OPCML: variants seen among roughly 807,000 people sequenced by gnomAD.
The protein encoded by OPCML is opioid-binding protein/cell adhesion molecule.
A neutral mutation model predicts 37.8 loss-of-function variants in OPCML; 13 were observed. The ratio of observed to expected loss-of-function variants is 0.34; its 90% CI spans 0.22 to 0.55. The LOEUF (loss-of-function observed/expected upper bound fraction) is 0.55, where lower values mean the gene tolerates loss of function less well. Ranked by LOEUF, OPCML falls within the 20% of genes least tolerant of loss-of-function variation. The pLI is 0.91. For missense variants in OPCML, 341 were observed against 435.6 expected, an observed-to-expected ratio of 0.78 and a Z score of 1.93; for synonymous variants, 176 against 168.8, an observed-to-expected ratio of 1.04 and a Z score of -0.33.
Position 133,177,439 on chromosome 11 carries a change from A to T in OPCML, c.62-234429T>A, listed in dbSNP as rs1275634003. The stretch of plus-strand genomic sequence containing the variant: ...ATTTTGGACAGGTTACTTGAACTTT[A>T]TTAAGCTGAGCTAAATCCACTGAAA... On this transcript the variant is annotated intron_variant, in intron 1 of 7. Transcript: ENST00000524381. The surrounding 1 kb of genome is among the most constrained non-coding windows in gnomAD (Gnocchi z 5.0). Among the ~76,000 whole-genome samples, 1 of 152,240 alleles carries T rather than the reference A, an allele frequency of 6.6e-6. No individual in the cohort carries two copies. Among genetic ancestry groups the T allele is most frequent in the Non-Finnish European group, 1.5e-5 (1 of 68,040 alleles).
At chr11:132,455,459 G>C (rs1016263175) in intron 4 of OPCML, among the ~76,000 whole-genome samples, 2 of 152,198 alleles carry the variant, frequency 1.3e-5, no homozygotes, top group Non-Finnish European at 2.9e-5. Context: ...AATAGGACTT[G>C]AGGTTCCCGT....
At position 133,085,183 on chromosome 11, in the gene OPCML, G is replaced by C. The variant is rs547505227; in HGVS notation, c.62-142173C>G. Among the ~76,000 whole-genome samples the C allele has an allele frequency of 2.0e-4, 30 of 152,294 alleles. No homozygotes were observed. In the South Asian group the frequency reaches 6.0e-3, roughly 31 times the overall value. On this transcript the variant is annotated intron_variant, in intron 1 of 7. Coordinates refer to ENST00000524381, the MANE Select transcript of OPCML (RefSeq NM_001012393.5). ...TGTCTTCACTGATTCATACAACCCA[G>C]TGCATTTCATGAGTAGCTGCCTACT...
At chr11:133,445,775 G>T (rs1269288157) in intron 1 of OPCML, among the ~76,000 whole-genome samples, 2 of 152,194 alleles carry the variant, frequency 1.3e-5, no homozygotes, top group Non-Finnish European at 2.9e-5. Flanking sequence ...AGCAAAGATT[G>T]GCTCAAGGAT....
intron 1 of OPCML, among the ~76,000 whole-genome samples, chr11:133,276,991 G>A (rs1285499757): frequency 6.6e-6 from 1 of 152,146 alleles, no homozygotes; most frequent in Non-Finnish European, 1.5e-5. Flanking sequence ...TAGATGTCCT[G>A]TCGGTATTTC....
rs138024032 is a variant in OPCML at position 132,417,365 on chromosome 11, C to A, written c.*2828G>T. The stretch of plus-strand genomic sequence containing the variant: ...GTCATTTTCACTCCCAGTGAGTACC[C>A]CAGTTGCCTTGGGTTGTATTTACTT... On this transcript the variant is annotated 3_prime_UTR_variant, in exon 8 of 8. Transcript: ENST00000524381. 1 of 152,140 alleles carries A rather than the reference C, an allele frequency of 6.6e-6. No individual in the cohort carries two copies. The highest frequency in any genetic ancestry group is 6.5e-5 in the Admixed American group (1 of 15,278). 9.4% of individuals were successfully genotyped at this position (152,140 alleles called of 1,614,324 possible). A position where few individuals can be genotyped will look rare whatever the true frequency, so the allele number is the denominator to read the frequency against.
chr11:132,572,729 T>C (rs982848076), intron 3 of OPCML, among the ~76,000 whole-genome samples: 5 of 152,106 alleles, frequency 3.3e-5, no homozygotes, highest in Admixed American at 6.5e-5. Flanking sequence ...GGTCTATTCC[T>C]AGTATTTTGT....
intron 1 of OPCML, among the ~76,000 whole-genome samples, chr11:133,436,995 C>T (rs1780018967): frequency 6.6e-6 from 1 of 152,176 alleles, no homozygotes; most frequent in African/African-American, 2.4e-5. Flanking sequence ...ACATCTCACA[C>T]ATCCGCATGA....
chr11:132,610,276 T>C (rs1938559069), intron 3 of OPCML, among the ~76,000 whole-genome samples: 1 of 152,222 alleles, frequency 6.6e-6, no homozygotes, highest in Non-Finnish European at 1.5e-5. Flanking sequence ...TTCTTGAGGT[T>C]AGTTAGGCAA....
chr11:132,769,987 T>G (rs550812543), intron 2 of OPCML, among the ~76,000 whole-genome samples: 7 of 152,078 alleles, frequency 4.6e-5, no homozygotes, highest in Non-Finnish European at 1.0e-4. Context: ...CACCCTGGGG[T>G]TGTGTGCTGA....
intron 1 of OPCML, chr11:133,006,306 CT>C (rs1356117361): frequency 4.6e-5 from 25 of 548,114 alleles, no homozygotes; most frequent in Non-Finnish European, 5.6e-5. Flanking sequence ...CCCTGTTTCC[CT>C]TTTTCTTCCT....
intron 1 of OPCML, among the ~76,000 whole-genome samples, chr11:133,189,989 G>A (rs139784653): frequency 3.9e-5 from 6 of 152,280 alleles, no homozygotes; most frequent in South Asian, 2.1e-4. Flanking sequence ...ACCTGGTTAC[G>A]TTTTCACCAG....
At position 133,422,005 on chromosome 11, in the gene OPCML, A is replaced by C. The variant is rs577309268; in HGVS notation, c.61+110259T>G. 2.2e-5 allele frequency: 8 copies of C among 358,782 alleles called. No individual in the cohort carries two copies. In the South Asian group the frequency reaches 8.9e-4, roughly 40 times the overall value. 22.2% of individuals were successfully genotyped at this position (358,782 alleles called of 1,614,324 possible). A position where few individuals can be genotyped will look rare whatever the true frequency, so the allele number is the denominator to read the frequency against. On this transcript the variant is annotated intron_variant, in intron 1 of 7. Transcript: ENST00000524381. ...AATTATACTTTAAGTTCTGGGGTAC[A>C]TGTGCAGAATGTGCATTTTTGTTAC...
At chr11:132,529,297 C>A in intron 3 of OPCML, 111 bp from the exon 4 acceptor site, 1 of 1,348,416 alleles carries the variant, frequency 7.4e-7, no homozygotes, top group East Asian at 2.6e-5. Context: ...ATATTGTTTG[C>A]AGTAATAAAT....
At chr11:132,561,316 G>A (rs78690135) in intron 3 of OPCML, among the ~76,000 whole-genome samples, 3,944 of 152,266 alleles carry the variant, frequency 0.026, 163 homozygotes, top group African/African-American at 0.089. Context: ...CTATTTCTAA[G>A]CCACTATTAA....
intron 1 of OPCML, among the ~76,000 whole-genome samples, chr11:133,477,558 G>GC (rs1345948650): frequency 6.6e-6 from 1 of 151,906 alleles, no homozygotes; most frequent in Non-Finnish European, 1.5e-5. Flanking sequence ...TTTGATGCGG[G>GC]TTTTTTTTCT....
At chr11:132,810,618 G>A (rs1159965295) in intron 2 of OPCML, among the ~76,000 whole-genome samples, 2 of 152,190 alleles carry the variant, frequency 1.3e-5, no homozygotes, top group African/African-American at 4.8e-5. Flanking sequence ...TTGAACCTGG[G>A]AGGTGGAGAT....
chr11:132,442,584 T>A (rs955736678), intron 4 of OPCML, among the ~76,000 whole-genome samples: 1 of 152,058 alleles, frequency 6.6e-6, no homozygotes, highest in African/African-American at 2.4e-5. Context: ...TTTTAGGAGG[T>A]GAAGATAGGG....
At chr11:133,246,491 G>A (rs1940930459) in intron 1 of OPCML, among the ~76,000 whole-genome samples, 1 of 152,192 alleles carries the variant, frequency 6.6e-6, no homozygotes, top group South Asian at 2.1e-4. Flanking sequence ...AGTTGCAGGG[G>A]GACAGTATTG....
intron 2 of OPCML, among the ~76,000 whole-genome samples, chr11:132,766,543 G>C (rs1433791882): frequency 6.6e-6 from 1 of 152,140 alleles, no homozygotes; most frequent in Non-Finnish European, 1.5e-5. Flanking sequence ...CATAGTAGAA[G>C]GGGCAGAAGT....
Sources: gnomAD v4.1 joint callset for allele counts (sites outside exome capture counted in the v4.1 genomes callset) on GRCh38, gnomAD v4.1.1 for gene constraint, Gnocchi (gnomAD v3.1) non-coding constraint, MANE v1.5 for transcripts, NCBI Gene and HGNC (gene_info 2026-07-23, HGNC 2026-07-21) for gene names.